COLEC12: variants seen among roughly 807,000 people sequenced by gnomAD.
COLEC12 encodes the protein collectin-12.
In COLEC12, 33 loss-of-function variants were observed where a neutral mutation model predicts 71.1. The ratio of observed to expected loss-of-function variants is 0.46; its 90% CI spans 0.35 to 0.62. The LOEUF is 0.62. COLEC12 is among the 20% of genes least tolerant of loss of function. COLEC12 has a pLI of 0.00. For missense variants in COLEC12, 765 were observed against 916.1 expected (o/e 0.84, Z 2.13); for synonymous variants, 350 against 353.0 (o/e 0.99, Z 0.10).
intron 2 of COLEC12, among the ~76,000 whole-genome samples, chr18:407,984 C>T (rs1227411989): frequency 6.6e-6 from 1 of 152,040 alleles, no homozygotes; most frequent in Non-Finnish European, 1.5e-5. Context: ...ATTGCAAAAC[C>T]CTGGGCTAGA....
At chr18:465,602 C>G (rs1371042124) in intron 2 of COLEC12, among the ~76,000 whole-genome samples, 2 of 152,142 alleles carry the variant, frequency 1.3e-5, no homozygotes, top group Non-Finnish European at 2.9e-5. Flanking sequence ...ATTAAATAAT[C>G]CACCTTAAAG....
intron 2 of COLEC12, among the ~76,000 whole-genome samples, chr18:370,517 CCACTAGGGATT>C (rs1303079470): frequency 6.6e-6 from 1 of 152,152 alleles, no homozygotes; most frequent in Admixed American, 6.5e-5. Flanking sequence ...CCAGAATCAC[CCACTAGGGATT>C]CACTCATACA....
Position 319,977 on chromosome 18 carries a change from C to A in COLEC12, c.*68G>T, listed in dbSNP as rs1017832293. The A allele has an allele frequency of 3.5e-5, 31 of 876,512 alleles. No individual in the cohort carries two copies. The African/African-American group carries it at 5.1e-4, about 14-fold the overall frequency. 54.3% of individuals were successfully genotyped at this position (876,512 alleles called of 1,614,324 possible). A position where few individuals can be genotyped will look rare whatever the true frequency, so the allele number is the denominator to read the frequency against. On this transcript the variant is annotated 3_prime_UTR_variant, in exon 10 of 10. Coordinates refer to ENST00000400256, the MANE Select transcript of COLEC12 (RefSeq NM_130386.3). ...TTTTCAATCTGATGAGAAGGTGATG[C>A]AATTAGAAAGGAGTGTCCTTTGCCT...
chr18:360,383 A>C (rs970773693), intron 2 of COLEC12, among the ~76,000 whole-genome samples: 2 of 151,978 alleles, frequency 1.3e-5, no homozygotes, highest in African/African-American at 4.8e-5. Flanking sequence ...GGGTTTCACC[A>C]TGTTGGCCAG....
At chr18:474,698 CTG>C (rs1917269550) in intron 2 of COLEC12, among the ~76,000 whole-genome samples, 1 of 152,234 alleles carries the variant, frequency 6.6e-6, no homozygotes, top group African/African-American at 2.4e-5. Context: ...AAGAGCTACT[CTG>C]TGACTCCCCT....
intron 2 of COLEC12, among the ~76,000 whole-genome samples, chr18:469,852 G>A (rs919542228): frequency 2.1e-5 from 3 of 144,050 alleles, no homozygotes; most frequent in African/African-American, 7.8e-5. Flanking sequence ...ATCTTTAGGA[G>A]AAAATTTTTA....
At chr18:484,973 T>C (rs1323570258) in intron 1 of COLEC12, among the ~76,000 whole-genome samples, 1 of 152,186 alleles carries the variant, frequency 6.6e-6, no homozygotes, top group Non-Finnish European at 1.5e-5. Context: ...ATTTACATCA[T>C]GCAACCATAG....
chr18:383,013 T>C (rs1598346065), intron 2 of COLEC12, among the ~76,000 whole-genome samples: 1 of 152,140 alleles, frequency 6.6e-6, no homozygotes, highest in African/African-American at 2.4e-5. Flanking sequence ...GAGCATGCAT[T>C]CTGGCCTGCA....
chr18:319,811 G>C lies in COLEC12; in HGVS notation c.*234C>G. 1 of 543,986 alleles carries C rather than the reference G, an allele frequency of 1.8e-6. No individual in the cohort carries two copies. The highest frequency in any genetic ancestry group is 3.9e-5 in the Admixed American group (1 of 25,840). 33.7% of individuals were successfully genotyped at this position (543,986 alleles called of 1,614,324 possible). On this transcript the variant is annotated 3_prime_UTR_variant, in exon 10 of 10. Transcript: ENST00000400256. ...CGGTTACTGACGGAGGAGAATCTAT[G>C]TGATTCAGTCCATGTGCACAATGAA... is the stretch of plus-strand genomic sequence containing the variant.
intron 2 of COLEC12, among the ~76,000 whole-genome samples, chr18:447,073 T>C (rs1916668325): frequency 6.6e-6 from 1 of 152,206 alleles, no homozygotes; most frequent in African/African-American, 2.4e-5. Context: ...GACTTCACCA[T>C]GGGAATTACA....
In COLEC12 at chr18:480,178, T is replaced by A. The variant is rs530136887; in HGVS notation, c.58+529A>T. Among the ~76,000 whole-genome samples, 1 of 152,210 alleles carries A rather than the reference T, an allele frequency of 6.6e-6. No homozygotes were observed. The highest frequency in any genetic ancestry group is 2.1e-4 in the South Asian group (1 of 4,818). ...CTTCAACTTAATCACACCTACAAAGTCCTTTGTGCCACATAAGGTAACATT... is the reference window on the plus strand; with the variant it reads ...CTTCAACTTAATCACACCTACAAAGACCTTTGTGCCACATAAGGTAACATT... On this transcript the variant is annotated intron_variant, in intron 2 of 9. Coordinates refer to ENST00000400256, the MANE Select transcript of COLEC12 (RefSeq NM_130386.3). The surrounding 1 kb of genome is among the most constrained non-coding windows in gnomAD (Gnocchi z 4.1).
intron 2 of COLEC12, among the ~76,000 whole-genome samples, chr18:474,060 C>T (rs1464204784): frequency 6.6e-6 from 1 of 152,204 alleles, no homozygotes; most frequent in Admixed American, 6.5e-5. Flanking sequence ...AAGACCATAT[C>T]AACAGCTGCT....
intron 8 of COLEC12, among the ~76,000 whole-genome samples, chr18:330,157 G>A (rs1033432800): frequency 7.2e-5 from 11 of 152,262 alleles, no homozygotes; most frequent in Admixed American, 1.3e-4. Context: ...TACTCACATG[G>A]AGAATTTGAA....
In COLEC12 at chr18:448,589, G is replaced by A. The variant is rs1032073714; in HGVS notation, c.58+32118C>T. 1.8e-4 allele frequency among the ~76,000 whole-genome samples: 27 copies of A among 152,216 alleles called. No homozygotes were observed. In the South Asian group the frequency reaches 2.5e-3, roughly 14 times the overall value. ...CATCACAATTATTGTCCAAATTCCC[G>A]TGGAGTCCAAAGGGGAGGTGGTATT... is the stretch of plus-strand genomic sequence containing the variant. On this transcript the variant is annotated intron_variant, in intron 2 of 9. Transcript: ENST00000400256.
At chr18:481,679 G>A (rs1917419463) in intron 1 of COLEC12, among the ~76,000 whole-genome samples, 1 of 152,030 alleles carries the variant, frequency 6.6e-6, no homozygotes, top group Non-Finnish European at 1.5e-5. Context: ...ACTCCAGCCT[G>A]GGCAACAAGA....
chr18:333,357 A>G, intron 6 of COLEC12: 1 of 458,204 alleles, frequency 2.2e-6, no homozygotes, highest in Non-Finnish European at 3.9e-6. Context: ...TAATCTGGAA[A>G]AGATCTTTGA....
intron 2 of COLEC12, among the ~76,000 whole-genome samples, chr18:442,435 C>G (rs751839930): frequency 2.0e-5 from 3 of 152,198 alleles, no homozygotes; most frequent in Non-Finnish European, 2.9e-5. Flanking sequence ...AAAACCCATG[C>G]TGATGCGTAG....
chr18:334,931 G>A lies in COLEC12; in HGVS notation c.1627C>T (p.Pro543Ser). Residue 543 changes from proline to serine, a missense_variant, in exon 6 of 10, where the codon CCT (proline) becomes TCT (serine). By Grantham distance (74) the Pro-to-Ser change is moderately conservative (BLOSUM62 -1). Coordinates refer to ENST00000400256, the MANE Select transcript of COLEC12 (RefSeq NM_130386.3). ...GKEGLPGPQG[P>S]PGFQGLQGTV... Reference sequence around the variant, plus strand: ...CCCTGAAGTCCCTGGAAGCCAGGAGGGCCCTGAGGGCCGGGGAGTCCCTCT... The same window carrying A: ...CCCTGAAGTCCCTGGAAGCCAGGAGAGCCCTGAGGGCCGGGGAGTCCCTCT... 7 of 1,563,700 alleles carry A rather than the reference G, an allele frequency of 4.5e-6. No homozygotes were observed. Among genetic ancestry groups the A allele is most frequent in the Non-Finnish European group, 4.3e-6 (5 of 1,163,158 alleles).
chr18:381,417 A>G (rs1915229208), intron 2 of COLEC12, among the ~76,000 whole-genome samples: 1 of 152,210 alleles, frequency 6.6e-6, no homozygotes, highest in Non-Finnish European at 1.5e-5. Context: ...TACACTGCAT[A>G]CATGTATCAA....
Sources: gnomAD v4.1 joint callset for allele counts (sites outside exome capture counted in the v4.1 genomes callset) on GRCh38, gnomAD v4.1.1 for gene constraint, Gnocchi (gnomAD v3.1) non-coding constraint, MANE v1.5 for transcripts, NCBI Gene and HGNC (gene_info 2026-07-23, HGNC 2026-07-21) for gene names.